Variants in MTMR1 observed in about 807,000 individuals in gnomAD.
MTMR1 encodes phosphatidylinositol-3-phosphate phosphatase MTMR1.
Under a neutral mutation model 51.6 loss-of-function variants are expected in MTMR1, and 17 were observed. The ratio of observed to expected loss-of-function variants is 0.33; its 90% CI spans 0.23 to 0.49. The LOEUF (loss-of-function observed/expected upper bound fraction) is 0.49, where lower values mean the gene tolerates loss of function less well. Ranked by LOEUF, MTMR1 falls within the 20% of genes least tolerant of loss-of-function variation. The pLI is 0.99. For missense variants in MTMR1, 386 were observed against 526.9 expected, an observed-to-expected ratio of 0.73 and a Z score of 2.62; for synonymous variants, 201 against 205.6, an observed-to-expected ratio of 0.98 and a Z score of 0.19.
intron 10 of MTMR1, among the ~76,000 whole-genome samples, chrX:150,734,995 C>T (rs1240887760): frequency 4.5e-5 from 5 of 112,021 alleles, no homozygotes; most frequent in Non-Finnish European, 9.4e-5. Flanking sequence ...AAATCCAGTG[C>T]CTAGTGTCCG....
intron 1 of MTMR1, among the ~76,000 whole-genome samples, chrX:150,696,474 G>A (rs2040682045): frequency 8.9e-6 from 1 of 111,879 alleles, no homozygotes. Context: ...GAGTTAGCTG[G>A]TGACAGAAGC....
chrX:150,760,407 G>A (rs782268234), intron 15 of MTMR1, among the ~76,000 whole-genome samples: 63 of 111,447 alleles, frequency 5.7e-4, no homozygotes, highest in African/African-American at 2.0e-3. Flanking sequence ...ATTGGCTGCC[G>A]AGAAAGGGGT....
At chrX:150,762,251 G>A (rs782125036) in intron 15 of MTMR1, among the ~76,000 whole-genome samples, 2 of 112,537 alleles carry the variant, frequency 1.8e-5, no homozygotes, top group Non-Finnish European at 3.8e-5. Flanking sequence ...CGGCGCCCTC[G>A]GTTGATCCAT....
intron 15 of MTMR1, among the ~76,000 whole-genome samples, chrX:150,759,814 C>T (rs1000878429): frequency 4.5e-5 from 5 of 109,926 alleles, no homozygotes; most frequent in Admixed American, 9.6e-5. Flanking sequence ...TCTGTACACA[C>T]ATGATCCCAG....
At chrX:150,714,814 C>T (rs782295723) in intron 3 of MTMR1, among the ~76,000 whole-genome samples, 5 of 111,830 alleles carry the variant, frequency 4.5e-5, no homozygotes, top group Non-Finnish European at 7.5e-5. Flanking sequence ...TCTGCAGTGC[C>T]TTTACATAGA....
At chrX:150,751,914 T>C (rs1208870293) in intron 14 of MTMR1, among the ~76,000 whole-genome samples, 3 of 86,403 alleles carry the variant, frequency 3.5e-5, no homozygotes, top group Admixed American at 1.2e-4. Flanking sequence ...TTCTTTCTTT[T>C]TTTTTTTTTT....
rs1557418195 is a variant in MTMR1, at chrX:150,763,469, T to C, written c.*740T>C. ...TCATGGGGATGGCACCAAGCGGCCA[T>C]GCTCAGTCTTCCAGCCCCGCTGAGG... On this transcript the variant is annotated 3_prime_UTR_variant, in exon 16 of 16. Transcript: ENST00000445323. 2 of 112,646 alleles carry C rather than the reference T, an allele frequency of 1.8e-5. No homozygotes were observed. Among genetic ancestry groups the C allele is most frequent in the Admixed American group, 1.9e-4 (2 of 10,711 alleles). The allele number at this position is 112,646 out of a possible 1,213,427, so 9.3% of individuals were successfully genotyped here.
At chrX:150,722,636 G>C (rs1445802010) in intron 4 of MTMR1, among the ~76,000 whole-genome samples, 1 of 110,335 alleles carries the variant, frequency 9.1e-6, no homozygotes, top group Non-Finnish European at 1.9e-5. Context: ...GTTTCTTTTA[G>C]GCCACATATA....
intron 10 of MTMR1, 33 bp downstream of exon 10, chrX:150,732,763 A>G: frequency 9.0e-7 from 1 of 1,111,717 alleles, no homozygotes; most frequent in Middle Eastern, 2.5e-4. Context: ...GAAACACTGG[A>G]TATTTTCATG....
intron 2 of MTMR1, among the ~76,000 whole-genome samples, chrX:150,708,067 A>G (rs1260111969): frequency 8.9e-6 from 1 of 112,246 alleles, no homozygotes; most frequent in Non-Finnish European, 1.9e-5. Context: ...GGGGCCAAGA[A>G]GAGAGGAAAG....
chrX:150,754,075 G>T (rs1048375178), intron 14 of MTMR1, among the ~76,000 whole-genome samples: 29 of 112,964 alleles, frequency 2.6e-4, no homozygotes, highest in African/African-American at 8.7e-4. Flanking sequence ...TTGTTGGAAA[G>T]ATTTTCTTTC....
intron 12 of MTMR1, among the ~76,000 whole-genome samples, chrX:150,740,124 T>C (rs1206076925): frequency 9.0e-6 from 1 of 111,673 alleles, no homozygotes; most frequent in East Asian, 2.8e-4. Context: ...AAAAACCCTC[T>C]TGACCCCACA....
At position 150,755,730 on chromosome X, in the gene MTMR1, T is replaced by C. The variant is rs2042887221; in HGVS notation, c.1722T>C (p.Asn574=). The C allele has an allele frequency of 2.2e-5, 27 of 1,205,546 alleles. No homozygotes were observed. Among genetic ancestry groups the C allele is most frequent in the Non-Finnish European group, 3.0e-5 (27 of 892,537 alleles). Residue 574 remains asparagine (N), a synonymous_variant, in exon 15 of 16, where the codon AAT becomes AAC. Transcript: ENST00000445323. ...TKTISLWSYI[N]SQLDEFSNPF... is the part of the protein sequence containing the mutation. Reference sequence around the variant, plus strand: ...CGATATCTTTATGGTCGTATATCAATAGCCAGCTAGACGAGTTTTCTAATC... The same window carrying C: ...CGATATCTTTATGGTCGTATATCAACAGCCAGCTAGACGAGTTTTCTAATC...
intron 15 of MTMR1, among the ~76,000 whole-genome samples, chrX:150,756,991 T>G (rs2042921860): frequency 8.9e-6 from 1 of 112,279 alleles, no homozygotes; most frequent in Admixed American, 9.4e-5. Flanking sequence ...AGAGTTTAAC[T>G]GCAGTCCATC....
intron 4 of MTMR1, among the ~76,000 whole-genome samples, chrX:150,725,474 G>A (rs185177750): frequency 2.4e-3 from 270 of 111,713 alleles, no homozygotes; most frequent in Non-Finnish European, 3.2e-3. Context: ...CTTTTGGGTC[G>A]AGACTATGGG....
At chrX:150,753,634 G>A (rs1006129024) in intron 14 of MTMR1, among the ~76,000 whole-genome samples, 1 of 112,256 alleles carries the variant, frequency 8.9e-6, no homozygotes, top group African/African-American at 3.2e-5. Context: ...TGTGTATTCA[G>A]CTCCTTAGTT....
At position 150,742,062 on chromosome X, in the gene MTMR1, C is replaced by T. The variant is rs2042438148; in HGVS notation, c.1474-2299C>T. On this transcript the variant is annotated intron_variant, in intron 12 of 15. Coordinates refer to ENST00000445323, the MANE Select transcript of MTMR1 (RefSeq NM_001306144.3). ...AGGTGGAAGCAACCCCAGTGTCCATCAGCAGACGAATGGAAAAACAAAATG... is the reference window on the plus strand; with the variant it reads ...AGGTGGAAGCAACCCCAGTGTCCATTAGCAGACGAATGGAAAAACAAAATG... 2.7e-5 allele frequency among the ~76,000 whole-genome samples: 3 copies of T among 112,433 alleles called. No homozygotes were observed. The South Asian group carries it at 1.1e-3, about 42-fold the overall frequency.
At chrX:150,755,638 C>A in intron 14 of MTMR1, 51 bp from the exon 15 acceptor site, 1 of 972,646 alleles carries the variant, frequency 1.0e-6, no homozygotes, top group Non-Finnish European at 1.4e-6. Flanking sequence ...AATACTAATT[C>A]TTGATGATAT....
intron 15 of MTMR1, among the ~76,000 whole-genome samples, chrX:150,759,587 T>C (rs782186433): frequency 9.2e-6 from 1 of 109,136 alleles, no homozygotes; most frequent in East Asian, 2.8e-4. Context: ...AGGGTTAGAG[T>C]GGTGTCCCAC....
Sources: allele counts gnomAD v4.1 joint callset (sites outside exome capture counted in the v4.1 genomes callset), GRCh38; gene constraint gnomAD v4.1.1; transcripts MANE v1.5; gene names NCBI Gene and HGNC (gene_info 2026-07-23, HGNC 2026-07-21).